Variants in DENND5B observed in about 807,000 individuals in gnomAD.
DENND5B encodes DENN domain-containing protein 5B.
Under a neutral mutation model 140.6 loss-of-function variants are expected in DENND5B, and 34 were observed. The observed-to-expected ratio is 0.24, with a 90% CI of 0.18 to 0.32. The LOEUF (loss-of-function observed/expected upper bound fraction) is 0.32. Ranked by LOEUF, DENND5B falls within the 10% of genes least tolerant of loss-of-function variation. The pLI is 1.00. For missense variants in DENND5B, 1,142 were observed against 1,560.2 expected (o/e 0.73, Z 4.52); for synonymous variants, 551 against 562.1 (o/e 0.98, Z 0.28).
In DENND5B at chr12:31,402,641, T is replaced by C. The variant is rs1366729879; in HGVS notation, c.2806A>G (p.Ile936Val). 6.3e-7 allele frequency: 1 copy of C among 1,590,870 alleles called. No homozygotes were observed. The highest frequency in any genetic ancestry group is 8.5e-7 in the Non-Finnish European group (1 of 1,170,244). The change falls in exon 15 of 21, where the codon ATT (isoleucine) becomes GTT (valine). Residue 936 changes from isoleucine (I) to valine (V), a missense_variant and splice_region_variant. This residue lies in a region of DENND5B where 268 missense variants were observed against 349.2 expected (regional missense o/e 0.77). Coordinates refer to ENST00000389082, the MANE Select transcript of DENND5B (RefSeq NM_144973.4). ...GGGATGATCACTGACCTATACGGAATCACTGAAAGAAAAATGCAGAAATTA... is the reference window on the plus strand; with the variant it reads ...GGGATGATCACTGACCTATACGGAACCACTGAAAGAAAAATGCAGAAATTA... ...CFTSVFTTIM[I>V]PYRSVIIPIK...
chr12:31,587,842 C>A (rs1182491430), intron 1 of DENND5B, among the ~76,000 whole-genome samples: 1 of 152,136 alleles, frequency 6.6e-6, no homozygotes, highest in Non-Finnish European at 1.5e-5. Context: ...CCACAGCATC[C>A]AGCCTCTCAC....
chr12:31,442,360 CA>C (rs1944074959), intron 7 of DENND5B, among the ~76,000 whole-genome samples: 1 of 152,308 alleles, frequency 6.6e-6, no homozygotes, highest in South Asian at 2.1e-4. Flanking sequence ...TTCTACCCCC[CA>C]AAACTGTGGA....
At chr12:31,480,423 A>G (rs1402294926) in intron 2 of DENND5B, among the ~76,000 whole-genome samples, 168 bp from the exon 3 acceptor site, 1 of 152,214 alleles carries the variant, frequency 6.6e-6, no homozygotes, top group African/African-American at 2.4e-5. Flanking sequence ...CCTCATACAC[A>G]TGTATATAAA....
rs1940796905 is a variant in DENND5B, at chr12:31,385,213, A to G, written c.*2390T>C. ...GGTGGATGAATAAAGATCCAATAGT[A>G]TAATAGAAAGACTATTAGTAAGAAT... On this transcript the variant is annotated 3_prime_UTR_variant, in exon 21 of 21. Transcript: ENST00000389082. 1 of 152,242 alleles carries G rather than the reference A, an allele frequency of 6.6e-6. No individual in the cohort carries two copies. Among genetic ancestry groups the G allele is most frequent in the Non-Finnish European group, 1.5e-5 (1 of 68,048 alleles). The allele number at this position is 152,242 out of a possible 1,614,324, so 9.4% of individuals were successfully genotyped here.
chr12:31,428,522 C>T (rs1943352270), intron 8 of DENND5B, among the ~76,000 whole-genome samples: 1 of 151,732 alleles, frequency 6.6e-6, no homozygotes, highest in South Asian at 2.1e-4. Flanking sequence ...CTGCCTCAGC[C>T]TCCTGAGTAG....
At chr12:31,499,621 C>T in intron 1 of DENND5B, 1 of 1,500,236 alleles carries the variant, frequency 6.7e-7, no homozygotes, top group South Asian at 1.3e-5. Flanking sequence ...GTCGTATTTG[C>T]AGCACCTTGG....
chr12:31,424,769 G>C, intron 9 of DENND5B, 82 bp from the exon 10 acceptor site: 1 of 1,530,962 alleles, frequency 6.5e-7, no homozygotes. Flanking sequence ...TAGGAGACTT[G>C]GTTTCCCTTC....
At chr12:31,483,312 T>C (rs569360258) in intron 2 of DENND5B, among the ~76,000 whole-genome samples, 1 of 152,306 alleles carries the variant, frequency 6.6e-6, no homozygotes, top group South Asian at 2.1e-4. Context: ...GCCATTACAG[T>C]CTTTGTCACA....
chr12:31,553,369 G>A (rs1949146731), intron 1 of DENND5B, among the ~76,000 whole-genome samples: 1 of 152,148 alleles, frequency 6.6e-6, no homozygotes, highest in African/African-American at 2.4e-5. Context: ...GTAGTTGAGT[G>A]TTTTTGAGTG....
chr12:31,384,561 A>C lies in DENND5B; in HGVS notation c.*3042T>G, dbSNP rs943566784. The C allele has an allele frequency of 6.6e-6, 1 of 152,192 alleles. No individual in the cohort carries two copies. The highest frequency in any genetic ancestry group is 6.5e-5 in the Admixed American group (1 of 15,282). The allele number at this position is 152,192 out of a possible 1,614,324, so 9.4% of individuals were successfully genotyped here. A position where few individuals can be genotyped will look rare whatever the true frequency, so the allele number is the denominator to read the frequency against. On this transcript the variant is annotated 3_prime_UTR_variant, in exon 21 of 21. Transcript: ENST00000389082. ...CAGGCTGTATCAACGGAATAAGTAC[A>C]TGGGCTCACAAGGTGACTGAAGGAC...
At chr12:31,570,099 G>T (rs1428030222) in intron 1 of DENND5B, among the ~76,000 whole-genome samples, 1 of 139,058 alleles carries the variant, frequency 7.2e-6, no homozygotes, top group East Asian at 2.2e-4. Flanking sequence ...GGAGGCTGAG[G>T]CAGGAGAATC....
chr12:31,537,556 A>G (rs1247930486), intron 1 of DENND5B, among the ~76,000 whole-genome samples: 1 of 152,178 alleles, frequency 6.6e-6, no homozygotes, highest in African/African-American at 2.4e-5. Flanking sequence ...GGAAGGATGG[A>G]AGACAAGACC....
rs1020351363 is a variant in DENND5B at position 31,417,242 on chromosome 12, A to C, written c.2471-1794T>G. On this transcript the variant is annotated intron_variant, in intron 11 of 20. Transcript: ENST00000389082. ...CGTGGTGGTGGGCGCCTGTAGTCCC[A>C]GCTACTCGGGAGGCTGAGGCAAGAC... is the stretch of plus-strand genomic sequence containing the variant. 2.7e-5 allele frequency among the ~76,000 whole-genome samples: 4 copies of C among 150,128 alleles called. No homozygotes were observed. The East Asian group carries it at 7.9e-4, about 30-fold the overall frequency.
chr12:31,585,119 C>T (rs1159386516), intron 1 of DENND5B, among the ~76,000 whole-genome samples: 2 of 152,158 alleles, frequency 1.3e-5, no homozygotes, highest in Non-Finnish European at 2.9e-5. Flanking sequence ...GATCTGCCCC[C>T]ATAACCCAAA....
chr12:31,569,722 G>T (rs1307271026), intron 1 of DENND5B, among the ~76,000 whole-genome samples: 1 of 152,284 alleles, frequency 6.6e-6, no homozygotes, highest in East Asian at 1.9e-4. Context: ...TGAGGCAGTA[G>T]GATAGCTTGA....
At chr12:31,555,663 T>C (rs1312885892) in intron 1 of DENND5B, among the ~76,000 whole-genome samples, 1 of 152,240 alleles carries the variant, frequency 6.6e-6, no homozygotes, top group Non-Finnish European at 1.5e-5. Flanking sequence ...CGCCTACAGA[T>C]GCAGGCAGGC....
intron 14 of DENND5B, among the ~76,000 whole-genome samples, chr12:31,403,714 G>A (rs1409405261): frequency 6.6e-6 from 1 of 151,254 alleles, no homozygotes; most frequent in Non-Finnish European, 1.5e-5. Context: ...TGACCAACAC[G>A]GTGAAACCCC....
At chr12:31,476,279 TA>T (rs1314534568) in intron 3 of DENND5B, among the ~76,000 whole-genome samples, 1 of 151,660 alleles carries the variant, frequency 6.6e-6, no homozygotes, top group African/African-American at 2.4e-5. Flanking sequence ...CTGTATCATT[TA>T]AAAAGGTTTT....
intron 1 of DENND5B, among the ~76,000 whole-genome samples, chr12:31,556,300 G>C (rs972915654): frequency 1.3e-5 from 2 of 152,114 alleles, no homozygotes; most frequent in Non-Finnish European, 2.9e-5. Context: ...CGCCTCCTGG[G>C]TTCAAACAGT....
Sources: gnomAD v4.1 joint callset for allele counts (sites outside exome capture counted in the v4.1 genomes callset) on GRCh38, gnomAD v4.1.1 for gene constraint, gnomAD v4.1.1 regional missense constraint, MANE v1.5 for transcripts, NCBI Gene and HGNC (gene_info 2026-07-23, HGNC 2026-07-21) for gene names.